Variants in LEO1 observed in about 807,000 individuals in gnomAD.
The protein encoded by LEO1 is LEO1 component of Paf1/RNA polymerase II complex, also known as RNA polymerase-associated protein LEO1.
Under a neutral mutation model 80.4 loss-of-function variants are expected in LEO1, and 34 were observed. The ratio of observed to expected loss-of-function variants is 0.42; its 90% confidence interval spans 0.32 to 0.56. The LOEUF (loss-of-function observed/expected upper bound fraction) is 0.56. Among genes scored for constraint, LEO1 ranks in the 20% least tolerant of loss-of-function variants. LEO1 has a pLI of 0.10. For missense variants in LEO1, 631 were observed against 814.2 expected, an observed-to-expected ratio of 0.77 and a Z score of 2.74; for synonymous variants, 262 against 274.9, an observed-to-expected ratio of 0.95 and a Z score of 0.46.
intron 1 of LEO1, among the ~76,000 whole-genome samples, chr15:51,970,653 A>G (rs1305810318): frequency 1.3e-5 from 2 of 152,252 alleles, no homozygotes; most frequent in African/African-American, 4.8e-5. Context: ...AAGTACAGAA[A>G]CAATAGCAGA....
intron 11 of LEO1, 35 bp downstream of exon 11, chr15:51,947,257 G>T (rs773137531): frequency 7.0e-7 from 1 of 1,430,114 alleles, no homozygotes; most frequent in South Asian, 1.1e-5. Context: ...CTGAGTACAG[G>T]ATAAACCCCT....
At chr15:51,965,381 T>C (rs986059998) in intron 2 of LEO1, among the ~76,000 whole-genome samples, 6 of 152,184 alleles carry the variant, frequency 3.9e-5, no homozygotes, top group South Asian at 2.1e-4. Context: ...ATGGTTTTTT[T>C]CCCCAGGCTA....
At chr15:51,946,430 A>T (rs943071840) in intron 11 of LEO1, among the ~76,000 whole-genome samples, 2 of 152,176 alleles carry the variant, frequency 1.3e-5, no homozygotes, top group African/African-American at 4.8e-5. Flanking sequence ...TCCCAACCTC[A>T]GGTGATCCGC....
At position 51,938,279 on chromosome 15, in the gene LEO1, T is replaced by A. The variant is rs2056818342; in HGVS notation, c.1897-19A>T. ...CACCTTCCTAAACAGATACAATTTT[T>A]ACAAATCTACAAGTCAATAAAGAAC... On this transcript the variant is annotated intron_variant, in intron 11 of 11. Coordinates refer to ENST00000299601, the MANE Select transcript of LEO1 (RefSeq NM_138792.4). 1.5e-6 allele frequency: 2 copies of A among 1,374,948 alleles called. No individual in the cohort carries two copies. Among genetic ancestry groups the A allele is most frequent in the Non-Finnish European group, 2.0e-6 (2 of 982,040 alleles). The allele number at this position is 1,374,948 out of a possible 1,614,324, so 85.2% of individuals were successfully genotyped here. A position where few individuals can be genotyped will look rare whatever the true frequency, so the allele number is the denominator to read the frequency against.
intron 1 of LEO1, among the ~76,000 whole-genome samples, chr15:51,967,086 G>A (rs756837221): frequency 5.9e-5 from 9 of 152,028 alleles, no homozygotes; most frequent in South Asian, 2.1e-4. Context: ...AGAAAGGAAC[G>A]GAGTCTAGAA....
At chr15:51,941,904 G>A (rs1056322295) in intron 11 of LEO1, among the ~76,000 whole-genome samples, 1 of 152,234 alleles carries the variant, frequency 6.6e-6, no homozygotes. Flanking sequence ...GATATGAGAT[G>A]ACTGGCCCAA....
chr15:51,971,481 C>G (rs1433032643), intron 1 of LEO1, among the ~76,000 whole-genome samples: 1 of 152,244 alleles, frequency 6.6e-6, no homozygotes, highest in Non-Finnish European at 1.5e-5. Context: ...TCTGCTCCAC[C>G]GACACCCAGA....
chr15:51,947,615 A>T (rs995113709), intron 10 of LEO1, among the ~76,000 whole-genome samples: 6 of 151,844 alleles, frequency 4.0e-5, no homozygotes, highest in African/African-American at 1.5e-4. Flanking sequence ...GTGGAGATGA[A>T]GTCTTGCCAT....
chr15:51,950,489 T>G (rs939888010), intron 9 of LEO1, among the ~76,000 whole-genome samples: 1 of 152,164 alleles, frequency 6.6e-6, no homozygotes, highest in African/African-American at 2.4e-5. Context: ...TCACGGCTCC[T>G]GATGACAGGT....
At chr15:51,949,495 T>A (rs908007371) in intron 10 of LEO1, among the ~76,000 whole-genome samples, 3 of 151,232 alleles carry the variant, frequency 2.0e-5, no homozygotes, top group Non-Finnish European at 4.4e-5. Context: ...AGGTCAGGAG[T>A]TTGAGACCAG....
At chr15:51,940,278 A>AT (rs2056838461) in intron 11 of LEO1, among the ~76,000 whole-genome samples, 3 of 109,806 alleles carry the variant, frequency 2.7e-5, no homozygotes, top group Non-Finnish European at 5.3e-5. Context: ...AAAAAAAAAA[A>AT]GGTTGGGCGT....
At chr15:51,960,761 G>A in intron 3 of LEO1, 28 bp from the exon 4 acceptor site, 1 of 1,310,698 alleles carries the variant, frequency 7.6e-7, no homozygotes, top group East Asian at 2.3e-5. Flanking sequence ...AAAGGCATTA[G>A]TGTTACTATC....
At chr15:51,965,222 C>T (rs2057065388) in intron 2 of LEO1, among the ~76,000 whole-genome samples, 2 of 152,182 alleles carry the variant, frequency 1.3e-5, no homozygotes, top group Admixed American at 1.3e-4. Context: ...CAATTTTATA[C>T]ATTAATATCT....
chr15:51,945,260 T>TAAAAAAAAAAA (rs1188931644), intron 11 of LEO1, among the ~76,000 whole-genome samples: 8 of 18,106 alleles, frequency 4.4e-4, no homozygotes, highest in Non-Finnish European at 6.2e-4. Context: ...CTACAAAAAA[T>TAAAAAAAAAAA]ACAAAAAAAA....
intron 3 of LEO1, among the ~76,000 whole-genome samples, chr15:51,961,508 T>C (rs1234334273): frequency 6.6e-6 from 1 of 151,716 alleles, no homozygotes; most frequent in African/African-American, 2.4e-5. Flanking sequence ...TTCTCGTGCC[T>C]CAGCCTCCCA....
chr15:51,959,803 T>G, intron 5 of LEO1, 96 bp downstream of exon 5: 1 of 1,201,090 alleles, frequency 8.3e-7, no homozygotes. Context: ...CAATTTTCCG[T>G]TTTTGTGATT....
chr15:51,946,285 G>A (rs2056900364), intron 11 of LEO1, among the ~76,000 whole-genome samples: 1 of 151,946 alleles, frequency 6.6e-6, no homozygotes, highest in African/African-American at 2.4e-5. Flanking sequence ...CACCTCCCAG[G>A]TTCAGGCAAT....
In LEO1 at chr15:51,966,231, T is replaced by C. The variant is rs778713295; in HGVS notation, c.332A>G (p.Glu111Gly). Reference sequence around the variant, plus strand: ...TTCGTCTTCATCATCATTAGGGGCTTCTGATCCACTGTGCTGATCTACATC... The same window carrying C: ...TTCGTCTTCATCATCATTAGGGGCTCCTGATCCACTGTGCTGATCTACATC... ...PSDVDQHSGS[E>G]APNDDEDEGH... is the part of the protein sequence containing the mutation. Residue 111 changes from glutamate to glycine, a missense_variant, in exon 2 of 12, where the codon GAA becomes GGA. Coordinates refer to ENST00000299601, the MANE Select transcript of LEO1 (RefSeq NM_138792.4). 1 of 1,614,012 alleles carries C rather than the reference T, an allele frequency of 6.2e-7. No individual in the cohort carries two copies. Among genetic ancestry groups the C allele is most frequent in the Admixed American group, 1.7e-5 (1 of 60,014 alleles).
In LEO1 at chr15:51,958,811, C is replaced by T. The variant is rs767709226; in HGVS notation, c.1176G>A (p.Gln392=). 1.8e-5 allele frequency: 29 copies of T among 1,579,166 alleles called. No individual in the cohort carries two copies. The highest frequency in any genetic ancestry group is 2.2e-5 in the Non-Finnish European group (25 of 1,157,284). The change falls in exon 6 of 12, where the codon CAG becomes CAA. Residue 392 remains glutamine (Q), a synonymous_variant. Transcript: ENST00000299601. ...CATCTTCAAATTCATCTTCATAATACTGAGGATCAAAAGGTCTACAAATTG... is the reference window on the plus strand; with the variant it reads ...CATCTTCAAATTCATCTTCATAATATTGAGGATCAAAAGGTCTACAAATTG... The part of the protein sequence containing the change: ...LSVEPRPFDP[Q]YYEDEFEDEE...
Sources: allele counts gnomAD v4.1 joint callset (sites outside exome capture counted in the v4.1 genomes callset), GRCh38; gene constraint gnomAD v4.1.1; transcripts MANE v1.5; gene names NCBI Gene and HGNC (gene_info 2026-07-23, HGNC 2026-07-21).